Variants in EVC2 observed in about 807,000 individuals in gnomAD.
EVC2 encodes the protein EvC ciliary complex subunit 2, also known as limbin.
EVC2 carries 148 observed loss-of-function variants against 149.3 expected under a neutral mutation model. The observed-to-expected ratio is 0.99, with a 90% CI of 0.87 to 1.14. The LOEUF (loss-of-function observed/expected upper bound fraction) is 1.14, where lower values mean the gene tolerates loss of function less well. EVC2 is among the 50% of genes most tolerant of loss of function. EVC2 has a pLI of 0.00. For synonymous variants in EVC2, 776 were observed against 649.9 expected (o/e 1.19, Z -2.95); for missense variants, 1,854 against 1,627.3 (o/e 1.14, Z -2.40).
rs190979245 is a variant in EVC2 at position 5,575,013 on chromosome 4, G to T, written c.3273-241C>A. 8.8e-4 allele frequency among the ~76,000 whole-genome samples: 134 copies of T among 152,304 alleles called. 1 individual carries two copies. Among genetic ancestry groups the T allele is most frequent in the African/African-American group, 3.1e-3 (128 of 41,558 alleles). ...CCTCGAAGTGAAAAGTTTCATGGGAGCTATAAGGAGACTTTCCTATGGCTT... is the reference window on the plus strand; with the variant it reads ...CCTCGAAGTGAAAAGTTTCATGGGATCTATAAGGAGACTTTCCTATGGCTT... On this transcript the variant is annotated intron_variant, in intron 18 of 21. Coordinates refer to ENST00000344408, the MANE Select transcript of EVC2 (RefSeq NM_147127.5).
In EVC2 at chr4:5,615,828, G is replaced by A. The variant is rs541606100; in HGVS notation, c.2707-284C>T. Reference sequence around the variant, plus strand: ...TGCAGTCAGAGAGCAGACCCAAGGCGTGTCCACCTCCTAACTAGCCACGGG... The same window carrying A: ...TGCAGTCAGAGAGCAGACCCAAGGCATGTCCACCTCCTAACTAGCCACGGG... On this transcript the variant is annotated intron_variant, in intron 15 of 21. Transcript: ENST00000344408. Among the ~76,000 whole-genome samples, 49 of 152,312 alleles carry A rather than the reference G, an allele frequency of 3.2e-4. 1 individual carries two copies. In the Middle Eastern group the frequency reaches 0.017, roughly 53 times the overall value.
At chr4:5,682,630 G>A (rs950488730) in intron 6 of EVC2, among the ~76,000 whole-genome samples, 2 of 150,098 alleles carry the variant, frequency 1.3e-5, no homozygotes, top group Non-Finnish European at 1.5e-5. Flanking sequence ...AGGCCGAGGC[G>A]GGTGGATCAC....
Position 5,679,147 on chromosome 4 carries a change from G to A in EVC2, c.870+2113C>T, listed in dbSNP as rs1720178940. Among the ~76,000 whole-genome samples, 1 of 152,152 alleles carries A rather than the reference G, an allele frequency of 6.6e-6. No individual in the cohort carries two copies. The highest frequency in any genetic ancestry group is 1.5e-5 in the Non-Finnish European group (1 of 68,018). ...TCTGGAAGTTGCTCTGGGCCAGTCA[G>A]TGAGTGAGTGGTGAGTGAATGTGAA... On this transcript the variant is annotated intron_variant, in intron 7 of 21. Coordinates refer to ENST00000344408, the MANE Select transcript of EVC2 (RefSeq NM_147127.5). The surrounding 1 kb of genome is among the most constrained non-coding windows in gnomAD (Gnocchi z 5.1).
At chr4:5,654,492 C>T (rs142678100) in intron 9 of EVC2, among the ~76,000 whole-genome samples, 1 of 152,340 alleles carries the variant, frequency 6.6e-6, no homozygotes, top group African/African-American at 2.4e-5. Context: ...CTTCTCCGTT[C>T]CCTAAGGCGA....
intron 16 of EVC2, among the ~76,000 whole-genome samples, chr4:5,597,063 G>C (rs576987074): frequency 6.6e-6 from 1 of 152,138 alleles, no homozygotes; most frequent in African/African-American, 2.4e-5. Context: ...CTGAAACTGT[G>C]GCAATAATCA....
intron 9 of EVC2, among the ~76,000 whole-genome samples, chr4:5,650,638 T>TATATAGAGAGAG (rs1162935817): frequency 1.1e-3 from 49 of 45,080 alleles, no homozygotes; most frequent in Non-Finnish European, 1.8e-3. Flanking sequence ...TATATATATA[T>TATATAGAGAGAG]AGAGAGAGAG....
At chr4:5,568,113 A>G (rs13112518) in intron 20 of EVC2, among the ~76,000 whole-genome samples, 75,375 of 151,998 alleles carry the variant, frequency 0.5, 21,051 homozygotes, top group Non-Finnish European at 0.64. Context: ...GCAGACACAC[A>G]CTTGTAAAAC....
intron 9 of EVC2, among the ~76,000 whole-genome samples, chr4:5,646,989 T>C (rs11946112): frequency 0.029 from 4,386 of 152,300 alleles, 207 homozygotes; most frequent in African/African-American, 0.1. Flanking sequence ...TTGGAAGCTA[T>C]GTCTGTGAGT....
At chr4:5,534,055 G>A in the EVC2 span, among the ~76,000 whole-genome samples, 2 of 152,290 alleles carry the variant, frequency 1.3e-5, no homozygotes, top group African/African-American at 2.4e-5. Flanking sequence ...ATTCTTAAGA[G>A]CGATGAGGAG....
intron 9 of EVC2, among the ~76,000 whole-genome samples, chr4:5,646,089 G>A (rs553645863): frequency 1.3e-4 from 20 of 152,212 alleles, no homozygotes; most frequent in Middle Eastern, 3.4e-3. Context: ...GTGCCACCAC[G>A]TCTAGCTAAT....
At chr4:5,672,039 C>A (rs138893899) in intron 7 of EVC2, among the ~76,000 whole-genome samples, 53 of 152,324 alleles carry the variant, frequency 3.5e-4, no homozygotes, top group African/African-American at 1.3e-3. Context: ...CAGAGCCAGG[C>A]CCTACTCAAG....
chr4:5,661,706 A>G (rs1331553062), intron 9 of EVC2, among the ~76,000 whole-genome samples: 1 of 152,250 alleles, frequency 6.6e-6, no homozygotes, highest in African/African-American at 2.4e-5. Flanking sequence ...CATCTAGTTA[A>G]GGTTATCTAT....
At chr4:5,611,868 G>A (rs550524811) in intron 16 of EVC2, among the ~76,000 whole-genome samples, 58 of 152,302 alleles carry the variant, frequency 3.8e-4, no homozygotes, top group Non-Finnish European at 7.4e-4. Flanking sequence ...TGTAACCTAA[G>A]CGGCTGAACT....
intron 21 of EVC2, among the ~76,000 whole-genome samples, chr4:5,547,214 C>T (rs879675415): frequency 1.3e-5 from 2 of 152,278 alleles, no homozygotes; most frequent in Admixed American, 1.3e-4. Context: ...TTGGGCGGTG[C>T]TGACATGCCA....
At chr4:5,561,941 T>C (rs1051473654), downstream of EVC2, among the ~76,000 whole-genome samples, 11 of 152,082 alleles carry the variant, frequency 7.2e-5, no homozygotes, top group African/African-American at 1.7e-4. Context: ...AGAATACCCA[T>C]TGTAATTGTA....
chr4:5,597,031 C>T (rs936483390), intron 16 of EVC2, among the ~76,000 whole-genome samples: 2 of 152,274 alleles, frequency 1.3e-5, no homozygotes, highest in Non-Finnish European at 1.5e-5. Flanking sequence ...GCTGAAATCT[C>T]GGAATAGACT....
At chr4:5,609,473 C>T (rs970001935) in intron 16 of EVC2, among the ~76,000 whole-genome samples, 2 of 152,176 alleles carry the variant, frequency 1.3e-5, no homozygotes. Flanking sequence ...ATGAAATGGC[C>T]GACTGTGAAG....
rs1011097793 is a variant in EVC2, at chr4:5,569,571, G to C, written c.3361-931C>G. 6.6e-6 allele frequency among the ~76,000 whole-genome samples: 1 copy of C among 152,040 alleles called. No individual in the cohort carries two copies. The highest frequency in any genetic ancestry group is 1.5e-5 in the Non-Finnish European group (1 of 68,022). ...CTTTGGACAGCTGGAGAGGAAAAGAGGCCCCAGGACAGAGCTATTGGGTGC... is the reference window on the plus strand; with the variant it reads ...CTTTGGACAGCTGGAGAGGAAAAGACGCCCCAGGACAGAGCTATTGGGTGC... On this transcript the variant is annotated intron_variant, in intron 19 of 21. Transcript: ENST00000344408. This position sits in a 1 kb window ranked among gnomAD's most constrained non-coding sequence, Gnocchi z 4.8.
the EVC2 span, among the ~76,000 whole-genome samples, chr4:5,529,459 G>T: frequency 6.6e-6 from 1 of 152,104 alleles, no homozygotes; most frequent in Admixed American, 6.6e-5. This position sits in a 1 kb window ranked among gnomAD's most constrained non-coding sequence, Gnocchi z 4.5. Context: ...AACCCACAGT[G>T]GTCTCACCCA....
Sources: gnomAD v4.1 joint callset for allele counts (sites outside exome capture counted in the v4.1 genomes callset) on GRCh38, gnomAD v4.1.1 for gene constraint, Gnocchi (gnomAD v3.1) non-coding constraint, MANE v1.5 for transcripts, NCBI Gene and HGNC (gene_info 2026-07-23, HGNC 2026-07-21) for gene names.